Variants in GRID2 observed in about 807,000 individuals in gnomAD.
GRID2 encodes the protein glutamate ionotropic receptor delta type subunit 2, also known as glutamate receptor ionotropic, delta-2.
GRID2 carries 33 observed loss-of-function variants against 114.8 expected under a neutral mutation model. The observed-to-expected ratio is 0.29, with a 90% CI of 0.22 to 0.38. GRID2 has a LOEUF of 0.38. Ranked by LOEUF, GRID2 falls within the 10% of genes least tolerant of loss-of-function variation. The pLI is 1.00. For missense variants in GRID2, 1,184 were observed against 1,257.7 expected, an observed-to-expected ratio of 0.94 and a Z score of 0.89; for synonymous variants, 505 against 449.9, an observed-to-expected ratio of 1.12 and a Z score of -1.55.
chr4:92,366,938 T>C (rs1212170109), intron 1 of GRID2, among the ~76,000 whole-genome samples: 2 of 152,048 alleles, frequency 1.3e-5, no homozygotes, highest in African/African-American at 4.8e-5. Context: ...AAAATGTCTT[T>C]TATAGAAAAG....
intron 14 of GRID2, among the ~76,000 whole-genome samples, chr4:93,646,441 A>G (rs1186410243): frequency 1.3e-5 from 2 of 152,192 alleles, no homozygotes; most frequent in Admixed American, 1.3e-4. Context: ...AAGAGAGGGA[A>G]CAAACAAGGC....
chr4:93,066,237 A>G (rs1022296358), intron 2 of GRID2, among the ~76,000 whole-genome samples: 7 of 151,958 alleles, frequency 4.6e-5, no homozygotes, highest in African/African-American at 1.7e-4. Flanking sequence ...GAAAATTAAC[A>G]TGTGATGGTA....
At chr4:92,531,538 G>A (rs1725355428) in intron 1 of GRID2, among the ~76,000 whole-genome samples, 1 of 152,022 alleles carries the variant, frequency 6.6e-6, no homozygotes, top group Non-Finnish European at 1.5e-5. Context: ...ACAAAAAAAT[G>A]GAGAGTCACT....
At chr4:92,771,292 C>T (rs1177869748) in intron 2 of GRID2, among the ~76,000 whole-genome samples, 1 of 152,166 alleles carries the variant, frequency 6.6e-6, no homozygotes, top group Non-Finnish European at 1.5e-5. Context: ...TTATACTCTC[C>T]CTTTGATCTG....
At chr4:92,410,823 G>A (rs1028625686) in intron 1 of GRID2, among the ~76,000 whole-genome samples, 1 of 148,072 alleles carries the variant, frequency 6.8e-6, no homozygotes, top group Admixed American at 6.7e-5. Context: ...ACCTAAGTAG[G>A]TCTGCAAAAG....
chr4:92,912,652 T>C (rs1748476696), intron 2 of GRID2, among the ~76,000 whole-genome samples: 1 of 151,902 alleles, frequency 6.6e-6, no homozygotes, highest in East Asian at 1.9e-4. Flanking sequence ...TATTCTGATT[T>C]TTAAAAATTG....
At chr4:93,802,312 G>C (rs951196070) in intron 1 of GRID2, among the ~76,000 whole-genome samples, 1 of 152,122 alleles carries the variant, frequency 6.6e-6, no homozygotes, top group Non-Finnish European at 1.5e-5. Context: ...TCTGTGAGGG[G>C]AGCGTCAAAA....
At chr4:93,560,354 CT>C (rs1435401318) in intron 13 of GRID2, among the ~76,000 whole-genome samples, 1 of 149,280 alleles carries the variant, frequency 6.7e-6, no homozygotes, top group Admixed American at 6.7e-5. Flanking sequence ...AACTGCTTAT[CT>C]TCTGGGGAGC....
chr4:92,620,935 A>C (rs1730243042), intron 2 of GRID2, among the ~76,000 whole-genome samples: 1 of 151,064 alleles, frequency 6.6e-6, no homozygotes, highest in African/African-American at 2.4e-5. Flanking sequence ...TAAAACTTAA[A>C]GTATAATAAT....
chr4:92,914,163 T>C (rs997835637), intron 2 of GRID2, among the ~76,000 whole-genome samples: 9 of 152,124 alleles, frequency 5.9e-5, no homozygotes, highest in African/African-American at 2.2e-4. Context: ...ATTAAACAAT[T>C]GTACATATTT....
intron 11 of GRID2, among the ~76,000 whole-genome samples, chr4:93,488,427 CCA>C (rs1364880152): frequency 6.6e-6 from 1 of 151,704 alleles, no homozygotes. Context: ...TGTACTTACC[CCA>C]CGTATAAAAT....
intron 8 of GRID2, among the ~76,000 whole-genome samples, chr4:93,356,081 T>TA (rs1253312137): frequency 1.3e-5 from 2 of 152,092 alleles, no homozygotes; most frequent in Admixed American, 6.6e-5. Flanking sequence ...CATTATTGTT[T>TA]AAAAATCACA....
chr4:93,331,168 C>G (rs574073641), intron 8 of GRID2, among the ~76,000 whole-genome samples: 2 of 142,052 alleles, frequency 1.4e-5, no homozygotes, highest in South Asian at 4.9e-4. Flanking sequence ...GTATTATATC[C>G]TCTGCTTCCC....
At chr4:93,703,382 T>C (rs74807220) in intron 14 of GRID2, among the ~76,000 whole-genome samples, 6,413 of 152,242 alleles carry the variant, frequency 0.042, 219 homozygotes, top group African/African-American at 0.084. Flanking sequence ...CAAGCATCTA[T>C]TATTTCTTTG....
chr4:93,708,528 C>A (rs550091471), intron 14 of GRID2, among the ~76,000 whole-genome samples: 1 of 151,778 alleles, frequency 6.6e-6, no homozygotes, highest in African/African-American at 2.4e-5. Flanking sequence ...GTATATTTTT[C>A]GATCTTTTTA....
Position 93,110,737 on chromosome 4 carries a change from G to T in GRID2, c.530-11G>T. The T allele has an allele frequency of 6.3e-7, 1 of 1,575,620 alleles. No individual in the cohort carries two copies. The highest frequency in any genetic ancestry group is 1.7e-4 in the Middle Eastern group (1 of 5,994). ...TTCACAGGTATTTTGATGGGCTTTT[G>T]ATGTTTCCAGATATCCGTGGAATAC... On this transcript the variant is annotated splice_polypyrimidine_tract_variant and intron_variant, in intron 3 of 15. Transcript: ENST00000282020.
At chr4:93,045,178 T>C (rs1391971495) in intron 2 of GRID2, among the ~76,000 whole-genome samples, 2 of 152,120 alleles carry the variant, frequency 1.3e-5, no homozygotes, top group African/African-American at 2.4e-5. Flanking sequence ...TTCATGTATA[T>C]AGATATCTCA....
chr4:92,479,849 A>G (rs1220062747), intron 1 of GRID2, among the ~76,000 whole-genome samples: 1 of 152,126 alleles, frequency 6.6e-6, no homozygotes, highest in Non-Finnish European at 1.5e-5. Flanking sequence ...GACTTTGGAG[A>G]AAATAGAGAG....
chr4:92,488,505 T>C (rs1366603792), intron 1 of GRID2, among the ~76,000 whole-genome samples: 1 of 152,184 alleles, frequency 6.6e-6, no homozygotes, highest in East Asian at 1.9e-4. Flanking sequence ...AAGCTTGCAC[T>C]ACTTTTCTAG....
Sources: gnomAD v4.1 joint callset for allele counts (sites outside exome capture counted in the v4.1 genomes callset) on GRCh38, gnomAD v4.1.1 for gene constraint, MANE v1.5 for transcripts, NCBI Gene and HGNC (gene_info 2026-07-23, HGNC 2026-07-21) for gene names.